Variants in FZR1 observed in about 807,000 individuals in gnomAD.
FZR1 encodes fizzy and cell division cycle 20 related 1, also known as fizzy-related protein homolog.
In FZR1, 11 loss-of-function variants were observed where a neutral mutation model predicts 63.6. The ratio of observed to expected loss-of-function variants is 0.17; its 90% CI spans 0.11 to 0.29. The LOEUF (loss-of-function observed/expected upper bound fraction) is 0.29, where lower values mean the gene tolerates loss of function less well. Ranked by LOEUF, FZR1 falls within the 10% of genes least tolerant of loss-of-function variation. The pLI, the probability that FZR1 is intolerant of heterozygous loss-of-function variation, is 1.00. For missense variants in FZR1, 440 were observed against 687.5 expected, an observed-to-expected ratio of 0.64 and a Z score of 4.03; for synonymous variants, 328 against 297.9, an observed-to-expected ratio of 1.10 and a Z score of -1.04.
At chr19:3,517,496 G>C (rs933778928) in intron 1 of FZR1, among the ~76,000 whole-genome samples, 3 of 152,110 alleles carry the variant, frequency 2.0e-5, no homozygotes, top group Admixed American at 6.5e-5. Flanking sequence ...AGACTAGCCT[G>C]ACCAACATGA....
chr19:3,533,500 C>A lies in FZR1; in HGVS notation c.1347+102C>A. 2.7e-6 allele frequency: 2 copies of A among 736,922 alleles called. No individual in the cohort carries two copies. The highest frequency in any genetic ancestry group is 2.4e-6 in the Non-Finnish European group (1 of 418,804). 45.6% of individuals were successfully genotyped at this position (736,922 alleles called of 1,614,324 possible). A position where few individuals can be genotyped will look rare whatever the true frequency, so the allele number is the denominator to read the frequency against. ...CTGTGTTCTTAGGGAGGATGGTGTG[C>A]AGATCTAAAACCCCGTGGGACCCAG... On this transcript the variant is annotated intron_variant, in intron 12 of 13. Transcript: ENST00000441788. This position sits in a 1 kb window ranked among gnomAD's most constrained non-coding sequence, Gnocchi z 4.9.
At chr19:3,521,869 T>TTTC (rs1164872431) in intron 1 of FZR1, among the ~76,000 whole-genome samples, 2 of 151,582 alleles carry the variant, frequency 1.3e-5, no homozygotes, top group African/African-American at 4.9e-5. Context: ...TTTTTTTTTT[T>TTTC]TTCTTGAGAC....
intron 1 of FZR1, among the ~76,000 whole-genome samples, chr19:3,522,524 C>T (rs370015808): frequency 6.6e-6 from 1 of 152,294 alleles, no homozygotes; most frequent in African/African-American, 2.4e-5. Flanking sequence ...CTGTGCGTGG[C>T]CAGCTCTTGC....
intron 1 of FZR1, among the ~76,000 whole-genome samples, chr19:3,518,084 T>C (rs2083072241): frequency 6.6e-6 from 1 of 150,748 alleles, no homozygotes; most frequent in Non-Finnish European, 1.5e-5. Flanking sequence ...GCACGATCTC[T>C]GCTCACTGCA....
chr19:3,530,039 TGAGCGGATGGGA>T (rs1599790175), intron 7 of FZR1, among the ~76,000 whole-genome samples: 2 of 65,222 alleles, frequency 3.1e-5, no homozygotes, highest in African/African-American at 6.6e-5. Flanking sequence ...AGTGGATGGG[TGAGCGGATGGGA>T]GAGCAGATGG....
At chr19:3,519,607 G>A (rs2121927609) in intron 1 of FZR1, among the ~76,000 whole-genome samples, 1 of 152,264 alleles carries the variant, frequency 6.6e-6, no homozygotes. Flanking sequence ...CTACTGTCTG[G>A]GCAATGCTGC....
intron 13 of FZR1, 118 bp from the exon 14 acceptor site, chr19:3,534,677 G>T: frequency 1.0e-6 from 1 of 994,088 alleles, no homozygotes. Flanking sequence ...GGCAGGCCGA[G>T]GCTGAACTGG....
At chr19:3,527,881 C>A in intron 7 of FZR1, 67 bp downstream of exon 7, 1 of 1,266,316 alleles carries the variant, frequency 7.9e-7, no homozygotes, top group Non-Finnish European at 1.1e-6. Context: ...CTCAATGTAC[C>A]CACCGGGATC....
chr19:3,530,922 C>T (rs1210560818), intron 8 of FZR1, 65 bp downstream of exon 8: 3 of 1,294,762 alleles, frequency 2.3e-6, no homozygotes, highest in South Asian at 1.2e-5. Context: ...TGTTGGGGGC[C>T]TTGAAGACCC....
At position 3,536,531 on chromosome 19, in the gene FZR1, T is replaced by A. The variant is rs1398764727; in HGVS notation, c.*1695T>A. 2 of 152,284 alleles carry A rather than the reference T, an allele frequency of 1.3e-5. No individual in the cohort carries two copies. The highest frequency in any genetic ancestry group is 2.9e-5 in the Non-Finnish European group (2 of 68,064). The allele number at this position is 152,284 out of a possible 1,614,324, so 9.4% of individuals were successfully genotyped here. On this transcript the variant is annotated 3_prime_UTR_variant, in exon 14 of 14. Coordinates refer to ENST00000441788, the MANE Select transcript of FZR1 (RefSeq NM_016263.4). ...GCCCGCAGTTGCCAAAGAGCCGCCT[T>A]GTCGCTGTGGGCGTCAGGGCTTGGC...
intron 1 of FZR1, among the ~76,000 whole-genome samples, chr19:3,517,203 A>G (rs2083064723): frequency 6.6e-6 from 1 of 152,192 alleles, no homozygotes; most frequent in East Asian, 1.9e-4. Context: ...CAGCCTGGGC[A>G]ACATGGGAAG....
At chr19:3,510,875 G>A (rs1018086873) in intron 1 of FZR1, among the ~76,000 whole-genome samples, 3 of 152,228 alleles carry the variant, frequency 2.0e-5, no homozygotes, top group African/African-American at 7.2e-5. Flanking sequence ...TCAGCGCCCC[G>A]CAGAGCCCAG....
chr19:3,508,725 C>G (rs566732988), intron 1 of FZR1, among the ~76,000 whole-genome samples: 1 of 152,340 alleles, frequency 6.6e-6, no homozygotes, highest in South Asian at 2.1e-4. Flanking sequence ...GAACTCAGCG[C>G]TGTCACTCCT....
chr19:3,520,751 A>G (rs2083094137), intron 1 of FZR1, among the ~76,000 whole-genome samples: 1 of 152,228 alleles, frequency 6.6e-6, no homozygotes, highest in Admixed American at 6.5e-5. Context: ...GTCAGAGGCC[A>G]CCTGGAGCTG....
intron 7 of FZR1, among the ~76,000 whole-genome samples, chr19:3,529,832 ATGGGTGAGCGGGTGGGTGAGCGGG>A (rs1417106239): frequency 9.1e-5 from 6 of 66,244 alleles, no homozygotes; most frequent in African/African-American, 4.0e-4. Flanking sequence ...GGGTGAGCGG[ATGGGTGAGCGGGTGGGTGAGCGGG>A]TGGGTGAGCG....
Position 3,526,460 on chromosome 19 carries a change from C to A in FZR1, c.387+74C>A. 1 of 1,238,452 alleles carries A rather than the reference C, an allele frequency of 8.1e-7. No homozygotes were observed. Among genetic ancestry groups the A allele is most frequent in the Non-Finnish European group, 1.1e-6 (1 of 886,326 alleles). The allele number at this position is 1,238,452 out of a possible 1,614,324, so 76.7% of individuals were successfully genotyped here. The stretch of plus-strand genomic sequence containing the variant: ...CCCCGGCCCCCCACCTCCCAGGCAC[C>A]AGCTCTGCCTCCCCGAGCCCGGTTC... On this transcript the variant is annotated intron_variant, in intron 5 of 13. Transcript: ENST00000441788. This position sits in a 1 kb window ranked among gnomAD's most constrained non-coding sequence, Gnocchi z 5.4.
chr19:3,532,098 AC>A lies in FZR1; in HGVS notation c.1008+8del. ...CCTCGGGGGGCAACGACAACAAGGT[AC>A]CCCCGCCCAGAGCCTGGGCTTCCCC... On this transcript the variant is annotated splice_donor_region_variant and intron_variant, in intron 10 of 13. Coordinates refer to ENST00000441788, the MANE Select transcript of FZR1 (RefSeq NM_016263.4). 1 of 1,495,204 alleles carries A rather than the reference AC, an allele frequency of 6.7e-7. No homozygotes were observed. The highest frequency in any genetic ancestry group is 2.1e-5 in the Admixed American group (1 of 46,874). The allele number at this position is 1,495,204 out of a possible 1,614,324, so 92.6% of individuals were successfully genotyped here.
chr19:3,516,709 G>A lies in FZR1; in HGVS notation c.-34-6247G>A, dbSNP rs1025419549. On this transcript the variant is annotated intron_variant, in intron 1 of 13. Transcript: ENST00000441788. This position sits in a 1 kb window ranked among gnomAD's most constrained non-coding sequence, Gnocchi z 6.0. ...TCACTGCAGGGACAGACAGGAGCTG[G>A]GTCTCAGGCTGCTGGGCAGGCCTGG... 1.3e-5 allele frequency among the ~76,000 whole-genome samples: 2 copies of A among 152,240 alleles called. No homozygotes were observed. The highest frequency in any genetic ancestry group is 2.9e-5 in the Non-Finnish European group (2 of 68,030).
rs2083045601 is a variant in FZR1, at chr19:3,514,594, C to T, written c.-35+8120C>T. ...CATGGACCCCCAAGAGACTCTGCGT[C>T]CCATGATCCTCTGCCCTGCTGAGGT... is the stretch of plus-strand genomic sequence containing the variant. On this transcript the variant is annotated intron_variant, in intron 1 of 13. Transcript: ENST00000441788. This position sits in a 1 kb window ranked among gnomAD's most constrained non-coding sequence, Gnocchi z 4.2. Among the ~76,000 whole-genome samples, 1 of 152,144 alleles carries T rather than the reference C, an allele frequency of 6.6e-6. No homozygotes were observed. Among genetic ancestry groups the T allele is most frequent in the African/African-American group, 2.4e-5 (1 of 41,432 alleles).
Sources: allele counts gnomAD v4.1 joint callset (sites outside exome capture counted in the v4.1 genomes callset), GRCh38; gene constraint gnomAD v4.1.1; non-coding constraint Gnocchi (gnomAD v3.1); transcripts MANE v1.5; gene names NCBI Gene and HGNC (gene_info 2026-07-23, HGNC 2026-07-21).